The following CEP152 variants were observed in gnomAD, a reference collection of about 807,000 sequenced individuals.
CEP152 encodes the protein centrosomal protein of 152 kDa.
CEP152 carries 132 observed loss-of-function variants against 188.9 expected under a neutral mutation model. That is an observed-to-expected ratio of 0.70 (90% confidence interval 0.61 to 0.81). CEP152 has a LOEUF of 0.81. Among genes scored for constraint, CEP152 ranks in the 30% least tolerant of loss-of-function variants. The pLI, the probability that CEP152 is intolerant of heterozygous loss-of-function variation, is 0.00. For missense variants in CEP152, 1,914 were observed against 1,969.8 expected (o/e 0.97, Z 0.54); for synonymous variants, 649 against 666.6 (o/e 0.97, Z 0.41).
intron 12 of CEP152, among the ~76,000 whole-genome samples, chr15:48,780,764 G>A (rs1175709975): frequency 6.6e-6 from 1 of 152,190 alleles, no homozygotes; most frequent in Non-Finnish European, 1.5e-5. Context: ...TAAGCTCCCT[G>A]TGGGAAGGAC....
chr15:48,761,913 T>C (rs989546415), intron 18 of CEP152, among the ~76,000 whole-genome samples: 2 of 152,192 alleles, frequency 1.3e-5, no homozygotes, highest in African/African-American at 4.8e-5. Flanking sequence ...GCACCACTTT[T>C]GGAAAGCTGA....
At chr15:48,799,479 T>G (rs1201088073) in intron 2 of CEP152, among the ~76,000 whole-genome samples, 1 of 152,134 alleles carries the variant, frequency 6.6e-6, no homozygotes, top group African/African-American at 2.4e-5. Context: ...GGATGGGTTT[T>G]TTTTAAAGGG....
intron 1 of CEP152, among the ~76,000 whole-genome samples, chr15:48,808,142 A>G (rs1898107347): frequency 6.6e-6 from 1 of 151,994 alleles, no homozygotes; most frequent in South Asian, 2.1e-4. Flanking sequence ...AAAAGGTAAT[A>G]CATATTTTAA....
intron 11 of CEP152, among the ~76,000 whole-genome samples, chr15:48,781,740 G>A (rs767702616): frequency 1.1e-4 from 17 of 152,130 alleles, no homozygotes; most frequent in Admixed American, 1.0e-3. Flanking sequence ...GTGAAAAGGT[G>A]GAGGTAATAA....
chr15:48,742,831 A>G (rs1344793080), intron 24 of CEP152, among the ~76,000 whole-genome samples: 1 of 151,978 alleles, frequency 6.6e-6, no homozygotes, highest in African/African-American at 2.4e-5. Flanking sequence ...TAATAAATCC[A>G]AGACTACATC....
chr15:48,736,990 T>G (rs1345889771), downstream of CEP152, among the ~76,000 whole-genome samples: 1 of 152,220 alleles, frequency 6.6e-6, no homozygotes, highest in Admixed American at 6.5e-5. Flanking sequence ...TCTTCAGGAA[T>G]ACAAGTGAGA....
intron 9 of CEP152, among the ~76,000 whole-genome samples, chr15:48,785,250 T>A (rs1401599923): frequency 2.6e-5 from 4 of 152,228 alleles, no homozygotes; most frequent in Non-Finnish European, 5.9e-5. Flanking sequence ...GTCTCCCATT[T>A]TAGCTTAAAA....
intron 12 of CEP152, among the ~76,000 whole-genome samples, chr15:48,777,543 G>A (rs995203200): frequency 1.3e-5 from 2 of 150,606 alleles, no homozygotes; most frequent in African/African-American, 4.9e-5. Context: ...CAAACTATTA[G>A]GTAGGCTTTT....
intron 19 of CEP152, among the ~76,000 whole-genome samples, chr15:48,757,669 T>C (rs1055473018): frequency 6.6e-6 from 1 of 152,182 alleles, no homozygotes; most frequent in African/African-American, 2.4e-5. Context: ...GTGGTTACCA[T>C]TGATCAATAC....
At chr15:48,758,487 G>A (rs1189181996) in intron 19 of CEP152, among the ~76,000 whole-genome samples, 1 of 152,102 alleles carries the variant, frequency 6.6e-6, no homozygotes, top group Non-Finnish European at 1.5e-5. Flanking sequence ...GGAGGCCGAG[G>A]TGGGCAAGAT....
rs188508146 is a variant in CEP152 at position 48,768,908 on chromosome 15, A to G, written c.1908+48T>C. ...AACTCTATTATATCCTTTGTATTTA[A>G]TGAGGAAATAAAAATTCTCATAAAA... On this transcript the variant is annotated intron_variant, in intron 14 of 26. Coordinates refer to ENST00000380950, the MANE Select transcript of CEP152 (RefSeq NM_001194998.2). 2.5e-4 allele frequency: 336 copies of G among 1,325,236 alleles called. No individual in the cohort carries two copies. The African/African-American group carries it at 4.1e-3, about 16-fold the overall frequency. 82.1% of individuals were successfully genotyped at this position (1,325,236 alleles called of 1,614,324 possible).
intron 6 of CEP152, among the ~76,000 whole-genome samples, chr15:48,795,154 G>A (rs1897219299): frequency 6.6e-6 from 1 of 152,212 alleles, no homozygotes; most frequent in African/African-American, 2.4e-5. Context: ...GAGTAATTCA[G>A]TACAGTCACT....
At position 48,732,233 on chromosome 15, in the gene CEP152, C is replaced by T. The variant is rs145976679; in HGVS notation, c.142+9398G>A. Among the ~76,000 whole-genome samples, 395 of 152,304 alleles carry T rather than the reference C, an allele frequency of 2.6e-3. 1 individual carries two copies. Among genetic ancestry groups the T allele is most frequent in the African/African-American group, 8.7e-3 (363 of 41,558 alleles). On this transcript the variant is annotated intron_variant and NMD_transcript_variant, in intron 2 of 3. Coordinates refer to the CEP152 transcript ENST00000561245. ...AATCTGCTATAAATACACATGCACA[C>T]GTATGTTTCCTGCAGCACTATTTAC... is the stretch of plus-strand genomic sequence containing the variant.
At chr15:48,771,744 T>TA (rs1449414258) in intron 13 of CEP152, among the ~76,000 whole-genome samples, 2 of 152,216 alleles carry the variant, frequency 1.3e-5, no homozygotes, top group Non-Finnish European at 2.9e-5. Context: ...AAAATGCATT[T>TA]AATGCATCTA....
At chr15:48,784,511 C>G (rs1896492449) in intron 9 of CEP152, among the ~76,000 whole-genome samples, 3 of 152,192 alleles carry the variant, frequency 2.0e-5, no homozygotes, top group Admixed American at 2.0e-4. Flanking sequence ...TACTTTGAAT[C>G]ATGCTATTTG....
At chr15:48,778,949 CAA>C (rs71432268) in intron 12 of CEP152, among the ~76,000 whole-genome samples, 21 of 85,372 alleles carry the variant, frequency 2.5e-4, no homozygotes, top group East Asian at 3.8e-4. Flanking sequence ...AACTCCATCT[CAA>C]AAAAAAAAAA....
At position 48,793,340 on chromosome 15, in the gene CEP152, G is replaced by A. The variant is rs763096828; in HGVS notation, c.813C>T (p.His271=). Residue 271 remains histidine, a synonymous_variant, in exon 7 of 27, where the codon CAC becomes CAT. Transcript: ENST00000380950. ...TCTTACCTTTTATTATTACAAGCTG[G>A]TGATTCAGATATCGAATTTGACGTT... ...ESERQIRYLN[H]QLVIIKDEKD... is the part of the protein sequence containing the mutation. The A allele has an allele frequency of 1.9e-6, 3 of 1,613,910 alleles. No homozygotes were observed. Among genetic ancestry groups the A allele is most frequent in the Admixed American group, 3.3e-5 (2 of 60,022 alleles).
chr15:48,778,983 G>A (rs1486449681), intron 12 of CEP152, among the ~76,000 whole-genome samples: 3 of 151,830 alleles, frequency 2.0e-5, no homozygotes, highest in East Asian at 3.9e-4. Context: ...CAGGATTTTG[G>A]CTATGAGCAC....
intron 17 of CEP152, among the ~76,000 whole-genome samples, chr15:48,763,319 TCTC>T (rs1355404696): frequency 2.0e-5 from 3 of 152,194 alleles, no homozygotes; most frequent in African/African-American, 7.2e-5. Flanking sequence ...TATCTGAAGT[TCTC>T]CTACTGTTTC....
Sources: allele counts gnomAD v4.1 joint callset (sites outside exome capture counted in the v4.1 genomes callset), GRCh38; gene constraint gnomAD v4.1.1; transcripts MANE v1.5; gene names NCBI Gene and HGNC (gene_info 2026-07-23, HGNC 2026-07-21).